The following FBXO42 variants were observed in gnomAD, a reference collection of about 807,000 sequenced individuals.
FBXO42 encodes the protein F-box protein 42.
FBXO42 carries 12 observed loss-of-function variants against 71.7 expected under a neutral mutation model. The observed-to-expected ratio is 0.17, with a 90% CI of 0.11 to 0.27. FBXO42 has a LOEUF of 0.27. Ranked by LOEUF, FBXO42 falls within the 10% of genes least tolerant of loss-of-function variation. The probability of loss-of-function intolerance (pLI) is 1.00; values close to 1 mark genes in which losing one functional copy is unlikely to be tolerated. For missense variants in FBXO42, 707 were observed against 911.9 expected (o/e 0.78, Z 2.89); for synonymous variants, 325 against 327.5 (o/e 0.99, Z 0.08).
chr1:16,348,740 C>T (rs1302018482), intron 1 of FBXO42, among the ~76,000 whole-genome samples: 1 of 152,070 alleles, frequency 6.6e-6, no homozygotes, highest in Non-Finnish European at 1.5e-5. Context: ...GTGTAATTCT[C>T]ACTTAAGCGG....
At chr1:16,320,074 C>G (rs1277956925) in intron 1 of FBXO42, among the ~76,000 whole-genome samples, 18 of 151,896 alleles carry the variant, frequency 1.2e-4, no homozygotes, top group Admixed American at 1.2e-3. Flanking sequence ...CTAAAACGTA[C>G]AGTCGCCGAG....
intron 1 of FBXO42, among the ~76,000 whole-genome samples, chr1:16,349,340 T>C (rs755534554): frequency 1.3e-5 from 2 of 152,180 alleles, no homozygotes; most frequent in African/African-American, 2.4e-5. Context: ...CCAGCCATAC[T>C]ATATGCAACT....
intron 2 of FBXO42, among the ~76,000 whole-genome samples, chr1:16,312,239 G>A (rs1228427286): frequency 6.6e-6 from 1 of 152,136 alleles, no homozygotes; most frequent in Non-Finnish European, 1.5e-5. Context: ...GTGCACACCT[G>A]TGGTCCCAGC....
At chr1:16,345,433 T>G (rs1478062004) in intron 1 of FBXO42, among the ~76,000 whole-genome samples, 1 of 150,178 alleles carries the variant, frequency 6.7e-6, no homozygotes, top group Non-Finnish European at 1.5e-5. Flanking sequence ...AAAAATAAAA[T>G]AGAATAAAAT....
chr1:16,290,616 C>T (rs1370377293), intron 4 of FBXO42, among the ~76,000 whole-genome samples: 2 of 151,948 alleles, frequency 1.3e-5, no homozygotes, highest in Non-Finnish European at 2.9e-5. Flanking sequence ...TGCTCCAACC[C>T]AGGAGGCAGA....
rs1487202148 is a variant in FBXO42 at position 16,331,189 on chromosome 1, G to A, written c.-17-15754C>T. On this transcript the variant is annotated intron_variant, in intron 1 of 9. Transcript: ENST00000375592. The stretch of plus-strand genomic sequence containing the variant: ...AGCACTTTGGGAGGCCGAGGTGGGC[G>A]GATCACGAGGTCAGGAGTTCAAGAC... 5.3e-5 allele frequency among the ~76,000 whole-genome samples: 8 copies of A among 150,346 alleles called. No individual in the cohort carries two copies. In the South Asian group the frequency reaches 6.3e-4, roughly 12 times the overall value.
At chr1:16,254,812 T>C (rs916690840) in intron 6 of FBXO42, among the ~76,000 whole-genome samples, 1 of 152,208 alleles carries the variant, frequency 6.6e-6, no homozygotes, top group African/African-American at 2.4e-5. Context: ...GCTTGAGCTG[T>C]CCAGTATGGC....
chr1:16,324,785 T>C (rs1243442241), intron 1 of FBXO42, among the ~76,000 whole-genome samples: 2 of 151,804 alleles, frequency 1.3e-5, no homozygotes, highest in African/African-American at 4.8e-5. Context: ...AACTACACTC[T>C]AGCCTGGGTG....
intron 1 of FBXO42, among the ~76,000 whole-genome samples, chr1:16,317,974 C>G (rs2082382943): frequency 6.6e-6 from 1 of 151,510 alleles, no homozygotes; most frequent in African/African-American, 2.4e-5. Context: ...ACAATTATAT[C>G]AAGTTCAAAA....
rs1005826870 is a variant in FBXO42, at chr1:16,249,409, T to C, written c.*1261A>G. 3 of 152,176 alleles carry C rather than the reference T, an allele frequency of 2.0e-5. No homozygotes were observed. The highest frequency in any genetic ancestry group is 7.2e-5 in the African/African-American group (3 of 41,446). 9.4% of individuals were successfully genotyped at this position (152,176 alleles called of 1,614,324 possible). A position where few individuals can be genotyped will look rare whatever the true frequency, so the allele number is the denominator to read the frequency against. On this transcript the variant is annotated 3_prime_UTR_variant, in exon 10 of 10. Coordinates refer to ENST00000375592, the MANE Select transcript of FBXO42 (RefSeq NM_018994.3). ...GCCATGCGTCAAGAAGTCAAGTACATGATTCTCAACTCCATCACCTGCCAA... is the reference window on the plus strand; with the variant it reads ...GCCATGCGTCAAGAAGTCAAGTACACGATTCTCAACTCCATCACCTGCCAA...
At chr1:16,338,684 A>G (rs945008464) in intron 1 of FBXO42, among the ~76,000 whole-genome samples, 5 of 152,074 alleles carry the variant, frequency 3.3e-5, no homozygotes, top group African/African-American at 1.2e-4. Context: ...TGCTCCTATC[A>G]AATCTCTCGG....
intron 4 of FBXO42, among the ~76,000 whole-genome samples, chr1:16,284,175 C>G (rs1017034336): frequency 6.6e-6 from 1 of 152,196 alleles, no homozygotes; most frequent in Non-Finnish European, 1.5e-5. Context: ...AAACATTCAA[C>G]TTTCTAGAAC....
Position 16,249,884 on chromosome 1 carries a change from G to GA in FBXO42, c.*785dup, listed in dbSNP as rs2081573703. On this transcript the variant is annotated 3_prime_UTR_variant, in exon 10 of 10. Transcript: ENST00000375592. Reference sequence around the variant, plus strand: ...CCATGTTCTAAGGGAAGAAAGAGGAGAATAAATATGTTTTTTGGCAACTTG... The same window carrying GA: ...CCATGTTCTAAGGGAAGAAAGAGGAGAAATAAATATGTTTTTTGGCAACTTG... The GA allele has an allele frequency of 6.6e-6, 1 of 152,190 alleles. No individual in the cohort carries two copies. Among genetic ancestry groups the GA allele is most frequent in the African/African-American group, 2.4e-5 (1 of 41,440 alleles). 9.4% of individuals were successfully genotyped at this position (152,190 alleles called of 1,614,324 possible).
chr1:16,250,861 TG>T lies in FBXO42; in HGVS notation c.1962del (p.Lys655ArgfsTer47). On this transcript the variant is annotated frameshift_variant, in exon 10 of 10. Transcript: ENST00000375592. LOFTEE classifies it high-confidence loss of function. This position sits in a 1 kb window ranked among gnomAD's most constrained non-coding sequence, Gnocchi z 4.7. ...TTCCATTTGACCCGCCCCTTCTCCT[TG>T]GTGTCTTTAATGTCCAGCACGTACA... ...MQMYVLDIKD[T>X]KEKGRVKWKV... The T allele has an allele frequency of 6.2e-7, 1 of 1,614,090 alleles. No individual in the cohort carries two copies. The highest frequency in any genetic ancestry group is 8.5e-7 in the Non-Finnish European group (1 of 1,180,016).
At chr1:16,260,641 G>A (rs1452877321) in intron 4 of FBXO42, among the ~76,000 whole-genome samples, 4 of 152,136 alleles carry the variant, frequency 2.6e-5, no homozygotes, top group African/African-American at 4.8e-5. Context: ...GTCCAAGGTC[G>A]TAGAACTAAT....
chr1:16,336,654 G>A (rs1200599227), intron 1 of FBXO42, among the ~76,000 whole-genome samples: 1 of 151,760 alleles, frequency 6.6e-6, no homozygotes, highest in Non-Finnish European at 1.5e-5. Flanking sequence ...ACTGTCCCTA[G>A]CTGGGCCAAG....
rs569911103 is a variant in FBXO42, at chr1:16,272,478, C to T, written c.503-15719G>A. ...TTCACCATGTTAGTCAGGCTGGTTT[C>T]GAACTCCTGACCTCAAGTGATCCAC... is the stretch of plus-strand genomic sequence containing the variant. On this transcript the variant is annotated intron_variant, in intron 4 of 9. Transcript: ENST00000375592. Among the ~76,000 whole-genome samples, 4 of 152,176 alleles carry T rather than the reference C, an allele frequency of 2.6e-5. No homozygotes were observed. The South Asian group carries it at 6.2e-4, about 24-fold the overall frequency.
chr1:16,331,805 C>A, intron 1 of FBXO42, among the ~76,000 whole-genome samples: 2 of 151,416 alleles, frequency 1.3e-5, no homozygotes, highest in Admixed American at 6.6e-5. Flanking sequence ...AATCCCAGCA[C>A]TTTGGGAGGC....
intron 1 of FBXO42, among the ~76,000 whole-genome samples, chr1:16,345,123 C>CAT (rs1240630783): frequency 4.0e-5 from 6 of 151,258 alleles, no homozygotes; most frequent in East Asian, 2.0e-4. Context: ...AACAAAAAAA[C>CAT]ATATATATAT....
Sources: allele counts gnomAD v4.1 joint callset (sites outside exome capture counted in the v4.1 genomes callset), GRCh38; gene constraint gnomAD v4.1.1; non-coding constraint Gnocchi (gnomAD v3.1); transcripts MANE v1.5; gene names NCBI Gene and HGNC (gene_info 2026-07-23, HGNC 2026-07-21).